Variants in ANKRD26 observed in about 807,000 individuals in gnomAD.
The protein encoded by ANKRD26 is ankyrin repeat domain-containing protein 26.
In ANKRD26, 141 loss-of-function variants were observed where a neutral mutation model predicts 208.7. The observed-to-expected ratio is 0.68, with a 90% CI of 0.59 to 0.78. The LOEUF is 0.78. Among genes scored for constraint, ANKRD26 ranks in the 30% least tolerant of loss-of-function variants. ANKRD26 has a pLI of 0.00. For synonymous variants in ANKRD26, 636 were observed against 660.4 expected (o/e 0.96, Z 0.57); for missense variants, 1,889 against 1,938.7 (o/e 0.97, Z 0.48).
chr10:27,007,511 C>A (rs2134817669), intron 32 of ANKRD26, among the ~76,000 whole-genome samples: 1 of 152,176 alleles, frequency 6.6e-6, no homozygotes, highest in East Asian at 1.9e-4. Flanking sequence ...AAAAAATTAG[C>A]CAGATATGGT....
chr10:27,043,290 C>T, intron 20 of ANKRD26, 136 bp downstream of exon 20: 2 of 941,774 alleles, frequency 2.1e-6, no homozygotes, highest in Non-Finnish European at 3.3e-6. Flanking sequence ...AAGAACTCTT[C>T]AGCTTTGCAC....
At chr10:27,060,998 C>T in intron 13 of ANKRD26, 146 bp downstream of exon 13, 1 of 691,576 alleles carries the variant, frequency 1.4e-6, no homozygotes, top group Non-Finnish European at 2.6e-6. Context: ...TCAACTTGTC[C>T]TGTAATTTAG....
chr10:26,986,616 G>A (rs1315608499), intron 3 of ANKRD26, among the ~76,000 whole-genome samples: 31 of 151,990 alleles, frequency 2.0e-4, no homozygotes, highest in African/African-American at 4.8e-4. Flanking sequence ...ATAAGTGGGC[G>A]AAGGATATGA....
At chr10:27,040,879 A>C (rs2054212608) in intron 20 of ANKRD26, among the ~76,000 whole-genome samples, 1 of 151,800 alleles carries the variant, frequency 6.6e-6, no homozygotes, top group Non-Finnish European at 1.5e-5. Context: ...AAAATACAAA[A>C]ATTAGTGGGG....
At chr10:27,006,245 C>A (rs1008997696) in intron 33 of ANKRD26, among the ~76,000 whole-genome samples, 3 of 152,114 alleles carry the variant, frequency 2.0e-5, no homozygotes, top group Non-Finnish European at 2.9e-5. Flanking sequence ...GAAGCAAATG[C>A]CAAGAGCTGG....
chr10:26,978,100 G>A (rs768543965), intron 5 of ANKRD26, among the ~76,000 whole-genome samples: 1 of 152,104 alleles, frequency 6.6e-6, no homozygotes, highest in Non-Finnish European at 1.5e-5. Flanking sequence ...TGTCATGATC[G>A]CAAACCATTC....
At chr10:26,958,127 G>A in the ANKRD26 span, among the ~76,000 whole-genome samples, 1 of 151,480 alleles carries the variant, frequency 6.6e-6, no homozygotes, top group African/African-American at 2.4e-5. Flanking sequence ...CTGTCGCCAA[G>A]GCTGGAGTCC....
At chr10:26,983,471 G>A (rs987756353) in intron 3 of ANKRD26, among the ~76,000 whole-genome samples, 2 of 152,140 alleles carry the variant, frequency 1.3e-5, no homozygotes, top group African/African-American at 4.8e-5. Context: ...CCAATTCGTG[G>A]TATGCTAGCC....
rs775544500 is a variant in ANKRD26 at position 27,077,450 on chromosome 10, C to T, written c.965G>A (p.Ser322Asn). ...GACTTTGATTGATGTTGTAGGAAGG[C>T]TTTCAACCACAACTTCATCTTGACT... ...SDSQDEVVVESLPTTSIKVQC... is the reference protein window; with the variant it reads ...SDSQDEVVVENLPTTSIKVQC... The change falls in exon 9 of 34, where the codon AGC becomes AAC. Residue 322 changes from serine to asparagine, a missense_variant. Ser to Asn is a conservative substitution (Grantham distance 46). Around this residue, in one of 3 missense-constraint regions of ANKRD26, gnomAD observed 1,272 missense variants for 1,273.8 expected, o/e 1.00. Transcript: ENST00000376087. 1 of 1,614,016 alleles carries T rather than the reference C, an allele frequency of 6.2e-7. No individual in the cohort carries two copies. The highest frequency in any genetic ancestry group is 1.1e-5 in the South Asian group (1 of 91,082).
downstream of ANKRD26, among the ~76,000 whole-genome samples, chr10:26,987,921 C>T (rs1240192938): frequency 6.6e-6 from 1 of 152,144 alleles, no homozygotes; most frequent in African/African-American, 2.4e-5. Context: ...TAGCTGTTGG[C>T]TGTAATACCC....
At position 27,079,439 on chromosome 10, in the gene ANKRD26, A is replaced by G. The variant is rs73596347; in HGVS notation, c.741-278T>C. 0.01 allele frequency among the ~76,000 whole-genome samples: 1,536 copies of G among 152,360 alleles called. 35 individuals are homozygous for G. The highest frequency in any genetic ancestry group is 0.035 in the African/African-American group (1,469 of 41,584). On this transcript the variant is annotated intron_variant, in intron 6 of 33. Coordinates refer to ENST00000376087, the MANE Select transcript of ANKRD26 (RefSeq NM_014915.3). Reference sequence around the variant, plus strand: ...GTTCTATAACTAATAGTGACAGCCAAGATAATGGCAGAACCTGGGAATACT... The same window carrying G: ...GTTCTATAACTAATAGTGACAGCCAGGATAATGGCAGAACCTGGGAATACT...
At chr10:27,049,048 G>T in intron 16 of ANKRD26, 69 bp from the exon 17 acceptor site, 1 of 1,343,904 alleles carries the variant, frequency 7.4e-7, no homozygotes, top group Non-Finnish European at 1.0e-6. Context: ...TGTTTTCATT[G>T]AGTTTATCAT....
intron 1 of ANKRD26, among the ~76,000 whole-genome samples, chr10:27,094,414 C>T (rs1183700198): frequency 6.6e-6 from 1 of 152,104 alleles, no homozygotes; most frequent in African/African-American, 2.4e-5. Context: ...AAGGCTTGAC[C>T]TTTAGATTCA....
chr10:27,041,351 C>T (rs1220211441), intron 20 of ANKRD26, among the ~76,000 whole-genome samples: 1 of 151,956 alleles, frequency 6.6e-6, no homozygotes, highest in African/African-American at 2.4e-5. Flanking sequence ...AGAAAAAACC[C>T]CATTAAAAAA....
chr10:27,038,289 T>C (rs2054109675), intron 21 of ANKRD26, among the ~76,000 whole-genome samples: 1 of 152,222 alleles, frequency 6.6e-6, no homozygotes, highest in African/African-American at 2.4e-5. Context: ...GTTTCTGTTA[T>C]GAGTACCTCT....
intron 9 of ANKRD26, among the ~76,000 whole-genome samples, chr10:27,070,548 A>G (rs556338605): frequency 6.6e-6 from 1 of 152,344 alleles, no homozygotes; most frequent in South Asian, 2.1e-4. Context: ...TTAGAGATGA[A>G]TGAATTTATG....
chr10:27,099,933 T>C, intron 1 of ANKRD26, 152 bp downstream of exon 1: 2 of 1,245,332 alleles, frequency 1.6e-6, no homozygotes, highest in Non-Finnish European at 2.3e-6. Context: ...AAAGGCGGCC[T>C]GGGCGCTGGA....
intron 27 of ANKRD26, among the ~76,000 whole-genome samples, chr10:27,025,918 G>A (rs2053644065): frequency 6.6e-6 from 1 of 152,118 alleles, no homozygotes; most frequent in Admixed American, 6.5e-5. Flanking sequence ...TTTGTAGGTA[G>A]CTAATCTTGT....
intron 9 of ANKRD26, among the ~76,000 whole-genome samples, chr10:27,067,878 G>T (rs35672619): frequency 0.043 from 6,613 of 152,222 alleles, 159 homozygotes; most frequent in Non-Finnish European, 0.063. Context: ...ACTATCCTGG[G>T]AAAAACTAAA....
Sources: allele counts gnomAD v4.1 joint callset (sites outside exome capture counted in the v4.1 genomes callset), GRCh38; gene constraint gnomAD v4.1.1; regional missense constraint gnomAD v4.1.1; transcripts MANE v1.5; gene names NCBI Gene and HGNC (gene_info 2026-07-23, HGNC 2026-07-21).